The following KIAA0586 variants were observed in gnomAD, a reference collection of about 807,000 sequenced individuals.
KIAA0586 encodes the protein protein TALPID3.
KIAA0586 carries 144 observed loss-of-function variants against 169.8 expected under a neutral mutation model. That is an observed-to-expected ratio of 0.85 (90% CI 0.74 to 0.97). KIAA0586 has a LOEUF of 0.97. Among genes scored for constraint, KIAA0586 ranks in the 50% least tolerant of loss-of-function variants. The pLI is 0.00. For synonymous variants in KIAA0586, 625 were observed against 612.4 expected, an observed-to-expected ratio of 1.02 and a Z score of -0.30; for missense variants, 1,854 against 1,823.0, an observed-to-expected ratio of 1.02 and a Z score of -0.31.
intron 4 of KIAA0586, among the ~76,000 whole-genome samples, chr14:58,437,799 C>G (rs558233822): frequency 2.7e-5 from 4 of 149,836 alleles, no homozygotes; most frequent in African/African-American, 9.8e-5. Flanking sequence ...AAGTGGTAGT[C>G]TAAGTCTAAG....
chr14:58,498,053 A>G (rs1224938825), intron 26 of KIAA0586, among the ~76,000 whole-genome samples: 3 of 149,324 alleles, frequency 2.0e-5, no homozygotes, highest in Non-Finnish European at 4.5e-5. Context: ...AATTTTTTGT[A>G]TTTTTAGTAC....
chr14:58,498,971 A>C lies in KIAA0586; in HGVS notation c.4168+11A>C, dbSNP rs777658424. The C allele has an allele frequency of 2.5e-6, 4 of 1,577,002 alleles. No individual in the cohort carries two copies. Among genetic ancestry groups the C allele is most frequent in the Non-Finnish European group, 2.6e-6 (3 of 1,160,980 alleles). ...TTGACACAGTTTCAGGTAGACACCA[A>C]AATATTTTTTCTTGATGTGTCATAG... On this transcript the variant is annotated intron_variant, in intron 27 of 30. Transcript: ENST00000652326.
intron 11 of KIAA0586, among the ~76,000 whole-genome samples, chr14:58,458,209 ATCT>A (rs1237763706): frequency 6.6e-6 from 1 of 152,122 alleles, no homozygotes; most frequent in Admixed American, 6.5e-5. Flanking sequence ...TTTGGTACAT[ATCT>A]TCTTGGATCC....
At chr14:58,507,439 C>T (rs960135194) in intron 27 of KIAA0586, among the ~76,000 whole-genome samples, 11 of 148,686 alleles carry the variant, frequency 7.4e-5, no homozygotes, top group African/African-American at 2.7e-4. Flanking sequence ...TTGCATATAA[C>T]TCTTCAGGTC....
intron 5 of KIAA0586, 130 bp downstream of exon 5, chr14:58,443,010 A>G (rs1158412024): frequency 1.5e-5 from 10 of 673,354 alleles, no homozygotes; most frequent in Non-Finnish European, 2.2e-5. Context: ...ATTTGAAAGA[A>G]TTTTCCCATT....
rs190319900 is a variant in KIAA0586, at chr14:58,438,838, G to T, written c.411-3868G>T. On this transcript the variant is annotated intron_variant, in intron 4 of 30. Coordinates refer to ENST00000652326, the MANE Select transcript of KIAA0586 (RefSeq NM_001329943.3). ...AGGCAAAGTGTGGAGTCACTTGTGG[G>T]CATGGCATGGTATATGTAGTTAGTG... 2.4e-3 allele frequency among the ~76,000 whole-genome samples: 372 copies of T among 152,300 alleles called. 3 individuals carry two copies. The highest frequency in any genetic ancestry group is 2.0e-3 in the Non-Finnish European group (137 of 68,016).
chr14:58,443,719 G>A (rs562264083), intron 5 of KIAA0586, among the ~76,000 whole-genome samples: 1 of 152,014 alleles, frequency 6.6e-6, no homozygotes, highest in Non-Finnish European at 1.5e-5. Flanking sequence ...CACCGCGCCT[G>A]GCCAATTTTT....
At chr14:58,436,804 G>A (rs951838909) in intron 4 of KIAA0586, among the ~76,000 whole-genome samples, 3 of 152,124 alleles carry the variant, frequency 2.0e-5, no homozygotes, top group Admixed American at 2.0e-4. Context: ...TGGAGAACTT[G>A]CCTTAATTGA....
In KIAA0586 at chr14:58,549,285, C is replaced by A. The variant is rs2047145491; in HGVS notation, c.*1353C>A. 6.6e-6 allele frequency: 1 copy of A among 151,626 alleles called. No homozygotes were observed. Among genetic ancestry groups the A allele is most frequent in the Non-Finnish European group, 1.5e-5 (1 of 67,956 alleles). The allele number at this position is 151,626 out of a possible 1,614,324, so 9.4% of individuals were successfully genotyped here. A position where few individuals can be genotyped will look rare whatever the true frequency, so the allele number is the denominator to read the frequency against. ...GCTTTAAAAAATACTAATGCCTGGG[C>A]CTTGTACCAAGGGATTTCAATTTAA... On this transcript the variant is annotated 3_prime_UTR_variant, in exon 31 of 31. Transcript: ENST00000652326.
At chr14:58,471,691 G>A (rs1203594786) in intron 17 of KIAA0586, among the ~76,000 whole-genome samples, 1 of 152,010 alleles carries the variant, frequency 6.6e-6, no homozygotes, top group Non-Finnish European at 1.5e-5. Context: ...GTGATAACAA[G>A]CAATAAATTT....
intron 11 of KIAA0586, 109 bp downstream of exon 11, chr14:58,458,088 G>T: frequency 1.4e-6 from 1 of 713,730 alleles, no homozygotes; most frequent in South Asian, 2.2e-5. Context: ...ATTTTTAAAA[G>T]GTTCTTTATT....
At chr14:58,442,565 T>C in intron 4 of KIAA0586, 141 bp from the exon 5 acceptor site, 2 of 591,526 alleles carry the variant, frequency 3.4e-6, no homozygotes, top group Non-Finnish European at 5.9e-6. Context: ...ATAAATTTTG[T>C]TAACCAAATG....
chr14:58,547,151 CT>C (rs201916906), intron 30 of KIAA0586, among the ~76,000 whole-genome samples: 28 of 120,938 alleles, frequency 2.3e-4, no homozygotes, highest in African/African-American at 1.0e-3. Flanking sequence ...TATCTTACCT[CT>C]TTTAAAAAAA....
At chr14:58,522,720 G>T (rs2045310160) in intron 29 of KIAA0586, among the ~76,000 whole-genome samples, 1 of 152,124 alleles carries the variant, frequency 6.6e-6, no homozygotes, top group Non-Finnish European at 1.5e-5. Flanking sequence ...GAAATAATTT[G>T]TTAGAATACT....
chr14:58,452,211 C>T (rs546594117), intron 8 of KIAA0586, among the ~76,000 whole-genome samples: 12 of 151,860 alleles, frequency 7.9e-5, no homozygotes, highest in Non-Finnish European at 1.2e-4. Context: ...GCACCAAAAT[C>T]GCACAAATCA....
rs116944407 is a variant in KIAA0586 at position 58,521,612 on chromosome 14, C to T, written c.4429+8985C>T. 4.5e-3 allele frequency: 4,624 copies of T among 1,038,370 alleles called. 21 individuals carry two copies. The highest frequency in any genetic ancestry group is 4.9e-3 in the Non-Finnish European group (3,268 of 665,584). The allele number at this position is 1,038,370 out of a possible 1,614,324, so 64.3% of individuals were successfully genotyped here. A position where few individuals can be genotyped will look rare whatever the true frequency, so the allele number is the denominator to read the frequency against. Reference sequence around the variant, plus strand: ...TGGCTTCAATTCTAAGAGAGGACAGCGGGGATCTTCCAAGTCTGGAAAGTT... The same window carrying T: ...TGGCTTCAATTCTAAGAGAGGACAGTGGGGATCTTCCAAGTCTGGAAAGTT... On this transcript the variant is annotated intron_variant, in intron 29 of 30. Coordinates refer to ENST00000652326, the MANE Select transcript of KIAA0586 (RefSeq NM_001329943.3).
Position 58,441,012 on chromosome 14 carries a change from GAT to G in KIAA0586, c.411-1692_411-1691del, listed in dbSNP as rs1334303050. On this transcript the variant is annotated intron_variant, in intron 4 of 30. Coordinates refer to ENST00000652326, the MANE Select transcript of KIAA0586 (RefSeq NM_001329943.3). The stretch of plus-strand genomic sequence containing the variant: ...CTTAAATGTTCTCATCACATAAAAA[GAT>G]AATTATGTGAAGTGATGGGTATGCT... 3.3e-5 allele frequency: 6 copies of G among 181,638 alleles called. No individual in the cohort carries two copies. The South Asian group carries it at 5.1e-4, about 15-fold the overall frequency. 11.3% of individuals were successfully genotyped at this position (181,638 alleles called of 1,614,324 possible).
chr14:58,536,940 T>C, intron 29 of KIAA0586: 1 of 944,606 alleles, frequency 1.1e-6, no homozygotes, highest in African/African-American at 1.7e-5. Context: ...ACTTTATAGA[T>C]CAAATAATTC....
In KIAA0586 at chr14:58,521,517, T is replaced by A. The variant is rs370928533; in HGVS notation, c.4429+8890T>A. On this transcript the variant is annotated intron_variant, in intron 29 of 30. Coordinates refer to ENST00000652326, the MANE Select transcript of KIAA0586 (RefSeq NM_001329943.3). ...ACAGTTACCCAGCACATGTTCCTCC[T>A]CCTCCTATTGCTCGGGCTGTAGTGC... 7 of 771,994 alleles carry A rather than the reference T, an allele frequency of 9.1e-6. 1 individual carries two copies. The highest frequency in any genetic ancestry group is 2.8e-5 in the East Asian group (1 of 35,460). The allele number at this position is 771,994 out of a possible 1,614,324, so 47.8% of individuals were successfully genotyped here.
Sources: gnomAD v4.1 joint callset for allele counts (sites outside exome capture counted in the v4.1 genomes callset) on GRCh38, gnomAD v4.1.1 for gene constraint, MANE v1.5 for transcripts, NCBI Gene and HGNC (gene_info 2026-07-23, HGNC 2026-07-21) for gene names.